MAST1: variants seen among roughly 807,000 people sequenced by gnomAD.
MAST1 encodes microtubule-associated serine/threonine-protein kinase 1.
A neutral mutation model predicts 124.6 loss-of-function variants in MAST1; 40 were observed. The ratio of observed to expected loss-of-function variants is 0.32; its 90% CI spans 0.25 to 0.42. The LOEUF (loss-of-function observed/expected upper bound fraction) is 0.42. Among genes scored for constraint, MAST1 ranks in the 10% least tolerant of loss-of-function variants. The pLI is 1.00. For synonymous variants in MAST1, 938 were observed against 939.4 expected, an observed-to-expected ratio of 1.00 and a Z score of 0.03; for missense variants, 1,558 against 2,181.9, an observed-to-expected ratio of 0.71 and a Z score of 5.70.
rs755532801 is a variant in MAST1 at position 12,874,284 on chromosome 19, C to A, written c.4127C>A (p.Thr1376Asn). ...GCGTGCACCCCACCCCGCGCGACGA[C>A]CCCCGGTGGCCGGACCCTGGAGCGG... is the stretch of plus-strand genomic sequence containing the variant. ...AEACTPPRAT[T>N]PGGRTLERDV... Residue 1376 changes from threonine to asparagine, a missense_variant, in exon 26 of 26, where the codon ACC (threonine) becomes AAC (asparagine). This residue lies in a region of MAST1 where 263 missense variants were observed against 310.9 expected (regional missense o/e 0.85). Transcript: ENST00000251472. The surrounding 1 kb of genome is among the most constrained non-coding windows in gnomAD (Gnocchi z 6.6). The A allele has an allele frequency of 1.1e-5, 18 of 1,589,998 alleles. No individual in the cohort carries two copies. The highest frequency in any genetic ancestry group is 5.1e-5 in the Admixed American group (3 of 58,916).
intron 7 of MAST1, chr19:12,848,360 C>A: frequency 2.9e-6 from 1 of 341,832 alleles, no homozygotes; most frequent in Non-Finnish European, 5.5e-6. Context: ...TGGCTCAGGC[C>A]TGTAATCCCA....
chr19:12,852,798 G>A (rs1474531118), intron 10 of MAST1, among the ~76,000 whole-genome samples: 1 of 151,782 alleles, frequency 6.6e-6, no homozygotes, highest in Non-Finnish European at 1.5e-5. Flanking sequence ...GCTGTGAACT[G>A]AGATTACACC....
Position 12,852,384 on chromosome 19 carries a change from G to T in MAST1, c.1066G>T (p.Asp356Tyr). 1.2e-6 allele frequency: 2 copies of T among 1,609,500 alleles called. No individual in the cohort carries two copies. The highest frequency in any genetic ancestry group is 1.7e-6 in the Non-Finnish European group (2 of 1,177,386). The change falls in exon 10 of 26, where the codon GAT becomes TAT. Residue 356 changes from aspartate to tyrosine, a missense_variant. By Grantham distance (160) the Asp-to-Tyr change is radical (BLOSUM62 -3). Transcript: ENST00000251472. ...SGGSNTPEQD[D>Y]LSEGRSSKAK... ...TGGTTCCAACACCCCTGAGCAAGAC[G>T]ATCTCTCTGAGGTAAGGCTGGGTGG...
At position 12,847,223 on chromosome 19, in the gene MAST1, A is replaced by G. The variant is rs889419498; in HGVS notation, c.328-67A>G. ...TGACCCCATCGGCTTTGGGAGTCCC[A>G]GCTCAGGGTCCTGAGCTGTTGGGGG... is the stretch of plus-strand genomic sequence containing the variant. On this transcript the variant is annotated intron_variant, in intron 4 of 25. Transcript: ENST00000251472. The surrounding 1 kb of genome is among the most constrained non-coding windows in gnomAD (Gnocchi z 5.5). The G allele has an allele frequency of 2.8e-5, 30 of 1,083,568 alleles. No homozygotes were observed. The African/African-American group carries it at 4.4e-4, about 16-fold the overall frequency. The allele number at this position is 1,083,568 out of a possible 1,614,324, so 67.1% of individuals were successfully genotyped here.
At position 12,852,677 on chromosome 19, in the gene MAST1, T is replaced by TA. The variant is rs35930918; in HGVS notation, c.1077+296dup. Among the ~76,000 whole-genome samples the TA allele has an allele frequency of 1.2e-3, 174 of 144,492 alleles. 3 individuals are homozygous for TA. The South Asian group carries it at 0.018, about 15-fold the overall frequency. The allele number at this position is 144,492 out of a possible 152,430, so 94.8% of individuals were successfully genotyped here. ...AACATGGAGAAACCCCGTTTCTACT[T>TA]AAAAAAAAAAAAAATGCAAAAATTA... On this transcript the variant is annotated intron_variant, in intron 10 of 25. Coordinates refer to ENST00000251472, the MANE Select transcript of MAST1 (RefSeq NM_014975.3).
chr19:12,839,748 G>T (rs909827283), intron 1 of MAST1, among the ~76,000 whole-genome samples: 4 of 152,060 alleles, frequency 2.6e-5, no homozygotes, highest in Non-Finnish European at 5.9e-5. Context: ...ATGTAGGGGG[G>T]ATCATGCATC....
At chr19:12,842,654 C>T (rs1419545886) in intron 3 of MAST1, among the ~76,000 whole-genome samples, 1 of 152,196 alleles carries the variant, frequency 6.6e-6, no homozygotes, top group African/African-American at 2.4e-5. Context: ...TGTGCACTCA[C>T]ATGAGCACGC....
At chr19:12,840,049 G>A (rs7251196) in intron 1 of MAST1, among the ~76,000 whole-genome samples, 53,936 of 152,024 alleles carry the variant, frequency 0.35, 11,393 homozygotes, top group East Asian at 0.59. Context: ...TGTGTCACAC[G>A]TATCACACTA....
chr19:12,847,337 C>A lies in MAST1; in HGVS notation c.375C>A (p.Pro125=), dbSNP rs1315641550. 3 of 1,613,998 alleles carry A rather than the reference C, an allele frequency of 1.9e-6. No homozygotes were observed. The highest frequency in any genetic ancestry group is 2.5e-6 in the Non-Finnish European group (3 of 1,180,006). The change falls in exon 5 of 26, where the codon CCC becomes CCA. Residue 125 remains proline (P), a synonymous_variant. Coordinates refer to ENST00000251472, the MANE Select transcript of MAST1 (RefSeq NM_014975.3). This position sits in a 1 kb window ranked among gnomAD's most constrained non-coding sequence, Gnocchi z 5.5. ...QERLHQLPYQ[P]TVDELHFLSK... ...GCCTTCACCAGCTGCCCTACCAGCCCACGGTGGACGAGCTCCACTTCCTCT... is the reference window on the plus strand; with the variant it reads ...GCCTTCACCAGCTGCCCTACCAGCCAACGGTGGACGAGCTCCACTTCCTCT...
intron 7 of MAST1, among the ~76,000 whole-genome samples, chr19:12,850,561 G>A (rs1374002464): frequency 6.6e-6 from 1 of 152,052 alleles, no homozygotes; most frequent in African/African-American, 2.4e-5. Context: ...TTACTGTCCT[G>A]GTTTTAATGA....
rs927962301 is a variant in MAST1, at chr19:12,847,782, G to A, written c.565-66G>A. The A allele has an allele frequency of 1.9e-6, 3 of 1,583,512 alleles. No homozygotes were observed. In the Admixed American group the frequency reaches 5.2e-5, roughly 28 times the overall value. On this transcript the variant is annotated intron_variant, in intron 6 of 25. Transcript: ENST00000251472. The surrounding 1 kb of genome is among the most constrained non-coding windows in gnomAD (Gnocchi z 5.5). Reference sequence around the variant, plus strand: ...CGCCCCCTGGCGGCCTCGGTGCGCAGCGCAGGCTCCTGGCGGCCGCAGCCT... The same window carrying A: ...CGCCCCCTGGCGGCCTCGGTGCGCAACGCAGGCTCCTGGCGGCCGCAGCCT...
Position 12,838,813 on chromosome 19 carries a change from G to T in MAST1, c.83+158G>T, listed in dbSNP as rs1969791442. ...CCGCCGGGGTTGGGGTTGAATGGGG[G>T]GTGGTGTGGGCCGAGTCTGGGGGGC... On this transcript the variant is annotated intron_variant, in intron 1 of 25. Coordinates refer to ENST00000251472, the MANE Select transcript of MAST1 (RefSeq NM_014975.3). The surrounding 1 kb of genome is among the most constrained non-coding windows in gnomAD (Gnocchi z 4.3). Among the ~76,000 whole-genome samples the T allele has an allele frequency of 1.3e-5, 2 of 151,996 alleles. No individual in the cohort carries two copies. Among genetic ancestry groups the T allele is most frequent in the African/African-American group, 2.4e-5 (1 of 41,390 alleles).
chr19:12,842,455 G>A (rs1394237090), intron 3 of MAST1, among the ~76,000 whole-genome samples: 3 of 151,990 alleles, frequency 2.0e-5, no homozygotes, highest in Admixed American at 6.6e-5. Flanking sequence ...ACCACGCCCG[G>A]CTAATTTTTG....
chr19:12,873,997 C>A lies in MAST1; in HGVS notation c.3840C>A (p.Gly1280=), dbSNP rs1460736295. The change falls in exon 26 of 26, where the codon GGC becomes GGA. Residue 1280 remains glycine, a synonymous_variant. Coordinates refer to ENST00000251472, the MANE Select transcript of MAST1 (RefSeq NM_014975.3). ...CCTCTTTGAGTGCGGACAAGAAGGG[C>A]GCGCTGCGCAAACACAGCCTCGAGG... is the stretch of plus-strand genomic sequence containing the variant. The part of the protein sequence containing the change: ...LGASLSADKK[G]ALRKHSLEVG... The A allele has an allele frequency of 1.9e-6, 3 of 1,604,160 alleles. No homozygotes were observed. The highest frequency in any genetic ancestry group is 2.2e-5 in the East Asian group (1 of 44,818).
rs767217311 is a variant in MAST1 at position 12,868,722 on chromosome 19, G to C, written c.2646G>C (p.Leu882Phe). 4 of 1,613,256 alleles carry C rather than the reference G, an allele frequency of 2.5e-6. No individual in the cohort carries two copies. Among genetic ancestry groups the C allele is most frequent in the Non-Finnish European group, 2.5e-6 (3 of 1,179,446 alleles). ...DASGPRATND[L>F]VLRRARHQQM... ...CAGGCCCAAGGGCTACCAATGACTT[G>C]GTTCTGCGCCGGGCGCGGCACCAGC... Residue 882 changes from leucine to phenylalanine, a missense_variant, in exon 21 of 26, where the codon TTG becomes TTC. By Grantham distance (22) the Leu-to-Phe change is conservative. Coordinates refer to ENST00000251472, the MANE Select transcript of MAST1 (RefSeq NM_014975.3).
rs1970100922 is a variant in MAST1, at chr19:12,862,766, C to G, written c.1367-2043C>G. ...CACCGCAACCTCCTCCTCCCGGGTTCAAGCGATTCTCCTGCCTCAGCTTCT... is the reference window on the plus strand; with the variant it reads ...CACCGCAACCTCCTCCTCCCGGGTTGAAGCGATTCTCCTGCCTCAGCTTCT... On this transcript the variant is annotated intron_variant, in intron 12 of 25. Transcript: ENST00000251472. Among the ~76,000 whole-genome samples the G allele has an allele frequency of 2.0e-5, 3 of 151,088 alleles. No homozygotes were observed. The Admixed American group carries it at 2.0e-4, about 10-fold the overall frequency.
In MAST1 at chr19:12,841,837, A is replaced by G. The variant is rs187648775; in HGVS notation, c.248+771A>G. ...GTCAAAGGAGACTGTGAAGACAGAC[A>G]GCTCCCTTGGGAAAGTGGGGGAACC... On this transcript the variant is annotated intron_variant, in intron 3 of 25. Coordinates refer to ENST00000251472, the MANE Select transcript of MAST1 (RefSeq NM_014975.3). This position sits in a 1 kb window ranked among gnomAD's most constrained non-coding sequence, Gnocchi z 4.3. Among the ~76,000 whole-genome samples the G allele has an allele frequency of 1.3e-5, 2 of 152,324 alleles. No homozygotes were observed. The highest frequency in any genetic ancestry group is 3.9e-4 in the East Asian group (2 of 5,190).
chr19:12,874,793 C>G lies in MAST1; in HGVS notation c.4636C>G (p.Arg1546Gly). 6.2e-7 allele frequency: 1 copy of G among 1,601,448 alleles called. No individual in the cohort carries two copies. Among genetic ancestry groups the G allele is most frequent in the Non-Finnish European group, 8.5e-7 (1 of 1,171,482 alleles). The stretch of plus-strand genomic sequence containing the variant: ...CAAGCCTCAAGTGGGGCTGACCTCC[C>G]GGTGCCCTGCTGAAGCTGTGCCCCC... Reference protein sequence around the residue: ...GTKPQVGLTSRCPAEAVPPAG... With the variant: ...GTKPQVGLTSGCPAEAVPPAG... Residue 1546 changes from arginine (R) to glycine (G), a missense_variant, in exon 26 of 26, where the codon CGG becomes GGG. This residue lies in a region of MAST1 where 168 missense variants were observed against 154.3 expected (regional missense o/e 1.09). Transcript: ENST00000251472. The surrounding 1 kb of genome is among the most constrained non-coding windows in gnomAD (Gnocchi z 6.6).
chr19:12,847,356 T>C lies in MAST1; in HGVS notation c.394T>C (p.Phe132Leu). The C allele has an allele frequency of 6.2e-7, 1 of 1,613,736 alleles. No homozygotes were observed. Among genetic ancestry groups the C allele is most frequent in the Non-Finnish European group, 8.5e-7 (1 of 1,179,930 alleles). Residue 132 changes from phenylalanine (F) to leucine (L), a missense_variant, in exon 5 of 26, where the codon TTC (phenylalanine) becomes CTC (leucine). This residue lies in a region of MAST1 where 165 missense variants were observed against 315.3 expected (regional missense o/e 0.52). Transcript: ENST00000251472. This position sits in a 1 kb window ranked among gnomAD's most constrained non-coding sequence, Gnocchi z 5.5. ...CCAGCCCACGGTGGACGAGCTCCAC[T>C]TCCTCTCCAAACACTTCGGGAGCAC... is the stretch of plus-strand genomic sequence containing the variant. ...PYQPTVDELH[F>L]LSKHFGSTES...
Sources: gnomAD v4.1 joint callset for allele counts (sites outside exome capture counted in the v4.1 genomes callset) on GRCh38, gnomAD v4.1.1 for gene constraint, gnomAD v4.1.1 regional missense constraint, Gnocchi (gnomAD v3.1) non-coding constraint, MANE v1.5 for transcripts, NCBI Gene and HGNC (gene_info 2026-07-23, HGNC 2026-07-21) for gene names.